The following CGGBP1 variants were observed in gnomAD, a reference collection of about 807,000 sequenced individuals.
The protein encoded by CGGBP1 is CGG triplet repeat binding protein 1, also known as CGG triplet repeat-binding protein 1.
Under a neutral mutation model 11.4 loss-of-function variants are expected in CGGBP1, and 4 were observed. That is an observed-to-expected ratio of 0.35 (90% CI 0.17 to 0.80). The LOEUF (loss-of-function observed/expected upper bound fraction) is 0.80, where lower values mean the gene tolerates loss of function less well. CGGBP1 is among the 30% of genes least tolerant of loss of function. The pLI is 0.52. For synonymous variants in CGGBP1, 76 were observed against 74.1 expected, an observed-to-expected ratio of 1.03 and a Z score of -0.13; for missense variants, 135 against 202.1, an observed-to-expected ratio of 0.67 and a Z score of 2.01.
At chr3:88,069,330 G>A (rs946082432) in intron 2 of CGGBP1, among the ~76,000 whole-genome samples, 1 of 152,162 alleles carries the variant, frequency 6.6e-6, no homozygotes, top group Admixed American at 6.5e-5. Flanking sequence ...GCTGAGGCAG[G>A]AGAATCACTT....
intron 2 of CGGBP1, among the ~76,000 whole-genome samples, chr3:88,124,097 C>A (rs1283486000): frequency 3.3e-5 from 5 of 152,112 alleles, no homozygotes; most frequent in Admixed American, 1.3e-4. Flanking sequence ...AACTAGATGC[C>A]CTAAAATAAG....
At position 88,097,689 on chromosome 3, in the gene CGGBP1, C is replaced by T. The variant is rs1384522981; in HGVS notation, c.-228-39466G>A. 4.6e-5 allele frequency among the ~76,000 whole-genome samples: 7 copies of T among 152,204 alleles called. No individual in the cohort carries two copies. The East Asian group carries it at 7.7e-4, about 17-fold the overall frequency. ...CAGGATTAAGAAACTCACTCAAAAC[C>T]GCTCAACTACATGGGAACTGAACAA... On this transcript the variant is annotated intron_variant, in intron 2 of 3. Coordinates refer to the CGGBP1 transcript ENST00000462901.
intron 2 of CGGBP1, among the ~76,000 whole-genome samples, chr3:88,068,614 G>A (rs10865625): frequency 0.78 from 119,201 of 152,118 alleles, 47,620 homozygotes; most frequent in South Asian, 0.91. Context: ...TTAATATCTG[G>A]AAGCTATTAT....
chr3:88,138,667 A>G (rs1158985372), intron 2 of CGGBP1: 55 of 1,188,124 alleles, frequency 4.6e-5, no homozygotes, highest in Non-Finnish European at 5.4e-5. Flanking sequence ...ATTTTTTTGG[A>G]AAAAAAGTAT....
chr3:88,115,421 A>G (rs1043695142), intron 2 of CGGBP1, among the ~76,000 whole-genome samples: 1 of 152,148 alleles, frequency 6.6e-6, no homozygotes, highest in Non-Finnish European at 1.5e-5. Context: ...TAGTCACTTT[A>G]TGGGTTAAAT....
chr3:88,139,522 AAAT>A, intron 2 of CGGBP1: 1 of 1,613,446 alleles, frequency 6.2e-7, no homozygotes, highest in Non-Finnish European at 8.5e-7. Context: ...GCTTTGGAAG[AAAT>A]AAATTGTTCT....
At chr3:88,094,386 G>A (rs1703932702) in intron 2 of CGGBP1, among the ~76,000 whole-genome samples, 4 of 152,062 alleles carry the variant, frequency 2.6e-5, no homozygotes, top group African/African-American at 9.7e-5. Flanking sequence ...GACTATAGTT[G>A]TTTTATGAGC....
At chr3:88,064,363 T>C (rs1347856994) in intron 2 of CGGBP1, among the ~76,000 whole-genome samples, 1 of 152,218 alleles carries the variant, frequency 6.6e-6, no homozygotes, top group Non-Finnish European at 1.5e-5. Context: ...ATGTACACTT[T>C]GATTATACCC....
upstream of CGGBP1, among the ~76,000 whole-genome samples, chr3:88,062,527 CTTG>C (rs773823580): frequency 7.9e-5 from 12 of 152,272 alleles, no homozygotes; most frequent in Middle Eastern, 3.4e-3. Context: ...TATTGTCTGA[CTTG>C]TTAAGTGCTG....
At chr3:88,132,237 GA>G (rs1045502605) in intron 2 of CGGBP1, among the ~76,000 whole-genome samples, 24 of 149,316 alleles carry the variant, frequency 1.6e-4, no homozygotes, top group African/African-American at 2.7e-4. Context: ...GGTCAAGTTT[GA>G]AAAAAAAAAT....
intron 2 of CGGBP1, chr3:88,095,271 A>G (rs921917594): frequency 3.5e-5 from 6 of 171,560 alleles, no homozygotes; most frequent in Non-Finnish European, 7.4e-5. Context: ...AACCAATACC[A>G]TCTTTTCTCC....
intron 2 of CGGBP1, among the ~76,000 whole-genome samples, chr3:88,098,603 T>G (rs1704208037): frequency 6.6e-6 from 1 of 152,118 alleles, no homozygotes; most frequent in African/African-American, 2.4e-5. Context: ...GCAAACTGAA[T>G]CCAGCAGCAC....
At chr3:88,110,690 G>A (rs1705036780) in intron 2 of CGGBP1, among the ~76,000 whole-genome samples, 1 of 151,988 alleles carries the variant, frequency 6.6e-6, no homozygotes, top group Non-Finnish European at 1.5e-5. Context: ...CTTCCGTAAG[G>A]AGAGCTATAC....
At chr3:88,099,547 G>A (rs936922374) in intron 2 of CGGBP1, among the ~76,000 whole-genome samples, 1 of 87,718 alleles carries the variant, frequency 1.1e-5, no homozygotes, top group African/African-American at 3.3e-5. Flanking sequence ...AACAAAGCTG[G>A]AGGCATCACA....
intron 2 of CGGBP1, chr3:88,126,258 C>A: frequency 2.6e-6 from 4 of 1,514,242 alleles, no homozygotes; most frequent in Non-Finnish European, 8.8e-7. Flanking sequence ...CAGCCAGCAT[C>A]TCAGGAGATA....
intron 2 of CGGBP1, among the ~76,000 whole-genome samples, chr3:88,074,222 A>G (rs1441923924): frequency 6.6e-6 from 1 of 152,018 alleles, no homozygotes; most frequent in Non-Finnish European, 1.5e-5. Flanking sequence ...ATGTGCCCCT[A>G]TGATTTAGAG....
chr3:88,096,353 C>A (rs1704058217), intron 2 of CGGBP1, among the ~76,000 whole-genome samples: 1 of 152,064 alleles, frequency 6.6e-6, no homozygotes, highest in Non-Finnish European at 1.5e-5. Flanking sequence ...TGAGAGGAAG[C>A]AGCACCGATT....
chr3:88,083,785 C>A (rs1708199529), intron 2 of CGGBP1, among the ~76,000 whole-genome samples: 1 of 152,044 alleles, frequency 6.6e-6, no homozygotes, highest in Non-Finnish European at 1.5e-5. Context: ...ATGTTAATGG[C>A]AACCTACTAG....
At chr3:88,064,836 G>A (rs1707104854) in intron 2 of CGGBP1, among the ~76,000 whole-genome samples, 1 of 152,152 alleles carries the variant, frequency 6.6e-6, no homozygotes, top group African/African-American at 2.4e-5. Context: ...CATTTAACTA[G>A]AAGTCTCAAA....
Sources: gnomAD v4.1 joint callset for allele counts (sites outside exome capture counted in the v4.1 genomes callset) on GRCh38, gnomAD v4.1.1 for gene constraint, MANE v1.5 for transcripts, NCBI Gene and HGNC (gene_info 2026-07-23, HGNC 2026-07-21) for gene names.